Variants in ADAM22 observed in about 807,000 individuals in gnomAD.
ADAM22 encodes the protein disintegrin and metalloproteinase domain-containing protein 22.
Under a neutral mutation model 144.6 loss-of-function variants are expected in ADAM22, and 65 were observed. The ratio of observed to expected loss-of-function variants is 0.45; its 90% CI spans 0.37 to 0.55. ADAM22 has a LOEUF of 0.55. Ranked by LOEUF, ADAM22 falls within the 20% of genes least tolerant of loss-of-function variation. The pLI, the probability that ADAM22 is intolerant of heterozygous loss-of-function variation, is 0.00. For missense variants in ADAM22, 974 were observed against 1,184.9 expected (o/e 0.82, Z 2.61); for synonymous variants, 391 against 412.6 (o/e 0.95, Z 0.63).
At chr7:88,194,033 A>C (rs1385395361) in intron 31 of ADAM22, among the ~76,000 whole-genome samples, 1 of 152,228 alleles carries the variant, frequency 6.6e-6, no homozygotes, top group Non-Finnish European at 1.5e-5. Context: ...ATGGTAAAAG[A>C]TAACAAGACA....
chr7:88,117,954 A>G (rs973200254), intron 7 of ADAM22, among the ~76,000 whole-genome samples: 12 of 152,066 alleles, frequency 7.9e-5, no homozygotes, highest in African/African-American at 2.9e-4. Context: ...CGGCCTCCCA[A>G]AGTGCTGGGT....
chr7:88,032,457 A>G (rs892846109), intron 3 of ADAM22, among the ~76,000 whole-genome samples: 6 of 152,144 alleles, frequency 3.9e-5, no homozygotes, highest in Admixed American at 2.0e-4. Context: ...CTATACCTCC[A>G]TTGTGTTTTG....
chr7:88,191,901 A>G (rs1849699783), intron 30 of ADAM22, among the ~76,000 whole-genome samples: 1 of 152,238 alleles, frequency 6.6e-6, no homozygotes, highest in Non-Finnish European at 1.5e-5. Flanking sequence ...TGTGGGAAAA[A>G]TTATTTTCAA....
intron 4 of ADAM22, among the ~76,000 whole-genome samples, chr7:88,076,355 C>T (rs1017517343): frequency 6.6e-6 from 1 of 152,156 alleles, no homozygotes. Flanking sequence ...GTGACTTTTA[C>T]ACCAACCTTT....
chr7:88,080,915 A>T (rs1290023277), intron 4 of ADAM22, among the ~76,000 whole-genome samples: 1 of 152,198 alleles, frequency 6.6e-6, no homozygotes, highest in Non-Finnish European at 1.5e-5. Flanking sequence ...CAGAGGTACA[A>T]GGAGGAACTG....
At chr7:88,164,699 G>T (rs1025517949) in intron 23 of ADAM22, among the ~76,000 whole-genome samples, 8 of 152,038 alleles carry the variant, frequency 5.3e-5, no homozygotes, top group African/African-American at 1.9e-4. Context: ...TGCGAAGAAG[G>T]AGTTAACTTG....
intron 3 of ADAM22, among the ~76,000 whole-genome samples, chr7:88,030,299 C>T (rs985725965): frequency 2.6e-5 from 4 of 152,060 alleles, no homozygotes; most frequent in African/African-American, 9.7e-5. Flanking sequence ...ATTGCATTTT[C>T]AACTCCAGAA....
intron 3 of ADAM22, among the ~76,000 whole-genome samples, chr7:88,017,068 A>G (rs1237622126): frequency 6.6e-6 from 1 of 152,138 alleles, no homozygotes; most frequent in African/African-American, 2.4e-5. Flanking sequence ...GAAGTGAGCT[A>G]TGAGCGCACC....
intron 3 of ADAM22, among the ~76,000 whole-genome samples, chr7:88,014,575 T>C (rs968049930): frequency 6.6e-6 from 1 of 152,138 alleles, no homozygotes; most frequent in Admixed American, 6.5e-5. Flanking sequence ...AAAACCCGTC[T>C]CTACTAAAAA....
intron 3 of ADAM22, among the ~76,000 whole-genome samples, chr7:87,979,984 A>G (rs549907844): frequency 3.3e-5 from 5 of 152,120 alleles, no homozygotes; most frequent in Non-Finnish European, 7.3e-5. Context: ...TTGACTTTTA[A>G]TACTCAAACA....
intron 2 of ADAM22, among the ~76,000 whole-genome samples, chr7:87,972,126 A>G (rs1850611780): frequency 1.3e-5 from 2 of 152,150 alleles, no homozygotes; most frequent in Non-Finnish European, 2.9e-5. Flanking sequence ...TCAATTAGGA[A>G]AAGAGGAAGT....
chr7:88,180,076 G>A (rs1275174154), intron 27 of ADAM22, among the ~76,000 whole-genome samples: 1 of 152,062 alleles, frequency 6.6e-6, no homozygotes, highest in East Asian at 1.9e-4. Flanking sequence ...AATCAGGAAG[G>A]AGAATAGAAG....
intron 13 of ADAM22, 72 bp downstream of exon 13, chr7:88,134,491 T>G: frequency 8.3e-7 from 1 of 1,201,066 alleles, no homozygotes; most frequent in Non-Finnish European, 1.2e-6. Context: ...GAGAGTAAAA[T>G]TTTTTGATTT....
chr7:87,965,914 T>A (rs1848938323), intron 2 of ADAM22, among the ~76,000 whole-genome samples: 1 of 152,240 alleles, frequency 6.6e-6, no homozygotes, highest in South Asian at 2.1e-4. Context: ...CATGTGAGAG[T>A]GTAGTGGCTT....
intron 4 of ADAM22, among the ~76,000 whole-genome samples, chr7:88,088,096 A>G (rs922247180): frequency 1.3e-5 from 2 of 152,068 alleles, no homozygotes; most frequent in African/African-American, 4.8e-5. Flanking sequence ...AGGGTGGGAG[A>G]GGTTATTATG....
intron 4 of ADAM22, among the ~76,000 whole-genome samples, chr7:88,076,191 C>T (rs1814440044): frequency 6.6e-6 from 1 of 151,982 alleles, no homozygotes; most frequent in African/African-American, 2.4e-5. Flanking sequence ...GCGCCTGCCA[C>T]CACACCTGGC....
intron 26 of ADAM22, among the ~76,000 whole-genome samples, chr7:88,174,932 A>G (rs920031557): frequency 6.6e-5 from 10 of 151,872 alleles, no homozygotes; most frequent in Admixed American, 1.3e-4. Flanking sequence ...GCATCTGTCA[A>G]TGTTACTTGG....
intron 3 of ADAM22, among the ~76,000 whole-genome samples, chr7:88,044,622 A>G (rs572894035): frequency 2.7e-5 from 4 of 148,472 alleles, no homozygotes; most frequent in African/African-American, 7.5e-5. Flanking sequence ...AATTTTTTGT[A>G]TATTTAGTAG....
rs1252872184 is a variant in ADAM22 at position 88,145,166 on chromosome 7, T to G, written c.1362T>G (p.Thr454=). ...AGTGTGGCAATGGCTTCATTGAAAC[T>G]GGAGAGGAGTGTGATTGTGGAACCC... ...PPECGNGFIE[T]GEECDCGTPA... is the part of the protein sequence containing the mutation. Residue 454 remains threonine (T), a synonymous_variant, in exon 16 of 32, where the codon ACT becomes ACG. Coordinates refer to ENST00000413139, the MANE Select transcript of ADAM22 (RefSeq NM_001324418.2). The G allele has an allele frequency of 6.2e-7, 1 of 1,613,828 alleles. No individual in the cohort carries two copies. Among genetic ancestry groups the G allele is most frequent in the South Asian group, 1.1e-5 (1 of 91,046 alleles).
Sources: allele counts gnomAD v4.1 joint callset (sites outside exome capture counted in the v4.1 genomes callset), GRCh38; gene constraint gnomAD v4.1.1; transcripts MANE v1.5; gene names NCBI Gene and HGNC (gene_info 2026-07-23, HGNC 2026-07-21).